The following SLC9A9 variants were observed in gnomAD, a reference collection of about 807,000 sequenced individuals.
SLC9A9 encodes solute carrier family 9 member A9.
In SLC9A9, 62 loss-of-function variants were observed where a neutral mutation model predicts 77.8. The ratio of observed to expected loss-of-function variants is 0.80; its 90% CI spans 0.65 to 0.98. SLC9A9 has a LOEUF of 0.98. Among genes scored for constraint, SLC9A9 ranks in the 50% least tolerant of loss-of-function variants. SLC9A9 has a pLI of 0.00. For missense variants in SLC9A9, 775 were observed against 774.9 expected (o/e 1.00, Z 0.00); for synonymous variants, 320 against 283.5 (o/e 1.13, Z -1.29).
chr3:143,433,288 T>C (rs933255484), intron 12 of SLC9A9, among the ~76,000 whole-genome samples: 1 of 152,170 alleles, frequency 6.6e-6, no homozygotes, highest in South Asian at 2.1e-4. Context: ...AGATGGTTGC[T>C]GGGTTCTTTG....
intron 9 of SLC9A9, among the ~76,000 whole-genome samples, chr3:143,548,599 A>T (rs1435166394): frequency 1.3e-5 from 2 of 152,190 alleles, no homozygotes; most frequent in Admixed American, 1.3e-4. Context: ...CTTTAATAGG[A>T]TGCTTTGGTA....
intron 4 of SLC9A9, among the ~76,000 whole-genome samples, chr3:143,725,632 A>G (rs1248314564): frequency 1.5e-5 from 2 of 137,634 alleles, no homozygotes; most frequent in African/African-American, 5.3e-5. Context: ...AAACTATCGT[A>G]AGGACAAAAA....
chr3:143,432,198 C>A (rs1212131046), intron 12 of SLC9A9, among the ~76,000 whole-genome samples: 1 of 152,168 alleles, frequency 6.6e-6, no homozygotes, highest in Non-Finnish European at 1.5e-5. Flanking sequence ...ATGCTCAGAA[C>A]AGTGCTTGGC....
chr3:143,359,906 C>T (rs981798971), intron 14 of SLC9A9, among the ~76,000 whole-genome samples: 5 of 152,170 alleles, frequency 3.3e-5, no homozygotes, highest in African/African-American at 4.8e-5. Context: ...CAACAAAAAC[C>T]TGTAACCTTG....
chr3:143,812,766 A>G (rs1304292072), intron 2 of SLC9A9, among the ~76,000 whole-genome samples: 1 of 152,138 alleles, frequency 6.6e-6, no homozygotes, highest in African/African-American at 2.4e-5. Flanking sequence ...TAACAGAGAG[A>G]CTAGATTAAA....
At chr3:143,652,464 C>A (rs947964632) in intron 5 of SLC9A9, 104 bp from the exon 6 acceptor site, 27 of 842,684 alleles carry the variant, frequency 3.2e-5, no homozygotes, top group South Asian at 3.0e-4. Context: ...CTCATCTTCT[C>A]AAATCCAATG....
At chr3:143,415,724 T>C (rs1250893134) in intron 12 of SLC9A9, among the ~76,000 whole-genome samples, 1 of 152,188 alleles carries the variant, frequency 6.6e-6, no homozygotes, top group African/African-American at 2.4e-5. Context: ...GCCAGTGAAT[T>C]AAGGAATAAT....
chr3:143,302,040 G>A (rs2030545374), intron 14 of SLC9A9, among the ~76,000 whole-genome samples: 1 of 152,128 alleles, frequency 6.6e-6, no homozygotes. Flanking sequence ...GGGGAGAGAG[G>A]TGTTGCTAGC....
intron 11 of SLC9A9, among the ~76,000 whole-genome samples, chr3:143,470,306 C>T (rs1190704666): frequency 6.6e-6 from 1 of 151,958 alleles, no homozygotes; most frequent in Non-Finnish European, 1.5e-5. Flanking sequence ...TAGTAAAACC[C>T]TGCCTCTACT....
intron 5 of SLC9A9, among the ~76,000 whole-genome samples, chr3:143,684,908 A>G (rs12493231): frequency 0.42 from 63,640 of 151,856 alleles, 13,617 homozygotes; most frequent in South Asian, 0.61. Context: ...TAAATCGCCT[A>G]TATTTTACCA....
At chr3:143,832,354 T>A in intron 1 of SLC9A9, 133 bp from the exon 2 acceptor site, 1 of 754,948 alleles carries the variant, frequency 1.3e-6, no homozygotes, top group Non-Finnish European at 2.2e-6. Flanking sequence ...TAGAAAAGTG[T>A]TCACTTTTGC....
intron 4 of SLC9A9, among the ~76,000 whole-genome samples, chr3:143,705,935 T>C (rs1053232969): frequency 6.6e-6 from 1 of 152,174 alleles, no homozygotes; most frequent in Admixed American, 6.5e-5. Context: ...GCACAGCACA[T>C]AGTGGAAAGC....
chr3:143,711,765 G>A (rs1934202013), intron 4 of SLC9A9, among the ~76,000 whole-genome samples: 1 of 151,974 alleles, frequency 6.6e-6, no homozygotes, highest in African/African-American at 2.4e-5. Context: ...TAGATCCTGA[G>A]CTTTGAGATC....
At chr3:143,582,146 G>T (rs1314595864) in intron 6 of SLC9A9, among the ~76,000 whole-genome samples, 7 of 152,178 alleles carry the variant, frequency 4.6e-5, no homozygotes, top group Admixed American at 4.6e-4. Flanking sequence ...CAGTCATATT[G>T]TGGGTACTTT....
At chr3:143,829,787 T>C (rs971010666) in intron 2 of SLC9A9, among the ~76,000 whole-genome samples, 3 of 152,178 alleles carry the variant, frequency 2.0e-5, no homozygotes, top group African/African-American at 7.2e-5. Flanking sequence ...GTGGCAATAG[T>C]ACTAGTAGTA....
At chr3:143,798,133 C>T (rs1252956656) in intron 2 of SLC9A9, among the ~76,000 whole-genome samples, 1 of 152,204 alleles carries the variant, frequency 6.6e-6, no homozygotes, top group East Asian at 1.9e-4. Context: ...CTCCCTATCC[C>T]TCAACCTCTT....
intron 12 of SLC9A9, among the ~76,000 whole-genome samples, chr3:143,415,399 T>C (rs983138952): frequency 6.6e-6 from 1 of 152,186 alleles, no homozygotes; most frequent in African/African-American, 2.4e-5. Context: ...GCTGATTCTC[T>C]TGTGAGGGGC....
intron 6 of SLC9A9, among the ~76,000 whole-genome samples, chr3:143,625,917 A>C (rs1274805636): frequency 2.6e-5 from 4 of 152,258 alleles, no homozygotes; most frequent in Non-Finnish European, 4.4e-5. Flanking sequence ...ACAAATTTAC[A>C]AGAAAAAAAC....
At chr3:143,575,316 T>A (rs751077574) in intron 7 of SLC9A9, among the ~76,000 whole-genome samples, 10 of 152,174 alleles carry the variant, frequency 6.6e-5, no homozygotes, top group African/African-American at 9.7e-5. Context: ...TCTACCTGGA[T>A]TAAAATTCAC....
Sources: allele counts gnomAD v4.1 joint callset (sites outside exome capture counted in the v4.1 genomes callset), GRCh38; gene constraint gnomAD v4.1.1; transcripts MANE v1.5; gene names NCBI Gene and HGNC (gene_info 2026-07-23, HGNC 2026-07-21).